CDH12: variants seen among roughly 807,000 people sequenced by gnomAD.
The protein encoded by CDH12 is cadherin-12.
Under a neutral mutation model 74.1 loss-of-function variants are expected in CDH12, and 41 were observed. The observed-to-expected ratio is 0.55, with a 90% confidence interval of 0.43 to 0.72. The LOEUF is 0.72. Among genes scored for constraint, CDH12 ranks in the 30% least tolerant of loss-of-function variants. CDH12 has a pLI of 0.00. For synonymous variants in CDH12, 399 were observed against 355.0 expected, an observed-to-expected ratio of 1.12 and a Z score of -1.39; for missense variants, 945 against 977.2, an observed-to-expected ratio of 0.97 and a Z score of 0.44.
At chr5:22,317,099 C>T (rs1004600913) in intron 3 of CDH12, among the ~76,000 whole-genome samples, 5 of 152,096 alleles carry the variant, frequency 3.3e-5, no homozygotes, top group African/African-American at 7.2e-5. Flanking sequence ...GGGCAGATCA[C>T]CCGAGCTCAG....
At chr5:21,878,875 G>A (rs1361546347) in intron 6 of CDH12, among the ~76,000 whole-genome samples, 1 of 136,490 alleles carries the variant, frequency 7.3e-6, no homozygotes, top group East Asian at 2.1e-4. Context: ...GAAAGAGAGA[G>A]AAAGAAAGAA....
intron 6 of CDH12, chr5:21,883,280 T>C (rs1579903321): frequency 2.8e-6 from 4 of 1,416,784 alleles, no homozygotes; most frequent in Non-Finnish European, 4.0e-6. Context: ...ACTTTATTAA[T>C]ACATCAAAAG....
chr5:22,033,201 A>G (rs2150175373), intron 5 of CDH12, among the ~76,000 whole-genome samples: 2 of 152,312 alleles, frequency 1.3e-5, no homozygotes, highest in Non-Finnish European at 2.9e-5. Context: ...TAGAAAATGG[A>G]GCTGTAATTT....
At chr5:22,388,905 A>C (rs1742113848) in intron 3 of CDH12, among the ~76,000 whole-genome samples, 1 of 152,196 alleles carries the variant, frequency 6.6e-6, no homozygotes. Context: ...CAATGCTTCC[A>C]AAAACAGGAA....
chr5:22,404,653 T>C (rs1742863145), intron 3 of CDH12, among the ~76,000 whole-genome samples: 1 of 152,184 alleles, frequency 6.6e-6, no homozygotes, highest in Non-Finnish European at 1.5e-5. Flanking sequence ...ACATGATATA[T>C]TGTAAGCTAC....
intron 6 of CDH12, among the ~76,000 whole-genome samples, chr5:21,953,551 T>G (rs1285476153): frequency 1.3e-5 from 2 of 152,164 alleles, no homozygotes; most frequent in African/African-American, 4.8e-5. Flanking sequence ...TCTTTACAAA[T>G]CATGGTCAGG....
At chr5:22,634,721 GA>G (rs1738747584) in intron 1 of CDH12, among the ~76,000 whole-genome samples, 1 of 151,944 alleles carries the variant, frequency 6.6e-6, no homozygotes, top group African/African-American at 2.4e-5. Context: ...TGAATAATCT[GA>G]AAATGTAATT....
intron 2 of CDH12, among the ~76,000 whole-genome samples, chr5:22,477,355 G>A (rs745458736): frequency 1.3e-5 from 2 of 152,056 alleles, no homozygotes; most frequent in Non-Finnish European, 2.9e-5. Flanking sequence ...TTCTGTTAGT[G>A]TGTTAGTTTG....
At chr5:22,224,917 C>T (rs1476827606) in intron 3 of CDH12, among the ~76,000 whole-genome samples, 5 of 151,804 alleles carry the variant, frequency 3.3e-5, no homozygotes, top group Non-Finnish European at 5.9e-5. Flanking sequence ...AAGTGTATCT[C>T]TAAACTTTAT....
rs111568718 is a variant in CDH12, at chr5:22,272,913, A to G, written c.-332-60270T>C. 7.3e-3 allele frequency among the ~76,000 whole-genome samples: 1,116 copies of G among 152,328 alleles called. 16 individuals carry two copies. In the South Asian group the frequency reaches 0.076, roughly 10 times the overall value. ...GGGAGGCCTCATGAAACTTACAATC[A>G]TGGCAGAAGGGGAAGCAAATGCTTC... On this transcript the variant is annotated intron_variant, in intron 3 of 14. Coordinates refer to ENST00000382254, the MANE Select transcript of CDH12 (RefSeq NM_004061.5).
rs1744168665 is a variant in CDH12 at position 22,431,455 on chromosome 5, G to A, written c.-427-26104C>T. 1.3e-5 allele frequency among the ~76,000 whole-genome samples: 2 copies of A among 152,234 alleles called. 1 individual carries two copies. Among genetic ancestry groups the A allele is most frequent in the South Asian group, 4.1e-4 (2 of 4,834 alleles). On this transcript the variant is annotated intron_variant, in intron 2 of 14. Transcript: ENST00000382254. ...AAGTAACAGCACATACAATTATGTA[G>A]AGTACAGAATACTGGATAATAAACA... is the stretch of plus-strand genomic sequence containing the variant.
intron 3 of CDH12, among the ~76,000 whole-genome samples, chr5:22,220,337 T>A (rs1326752066): frequency 6.6e-6 from 1 of 151,740 alleles, no homozygotes; most frequent in East Asian, 1.9e-4. Context: ...CACTAATGCA[T>A]TTTATTGATT....
At position 22,014,399 on chromosome 5, in the gene CDH12, C is replaced by T. The variant is rs560252566; in HGVS notation, c.232-39014G>A. 2.6e-5 allele frequency among the ~76,000 whole-genome samples: 4 copies of T among 152,084 alleles called. No individual in the cohort carries two copies. The South Asian group carries it at 8.3e-4, about 32-fold the overall frequency. ...TATATGGATCCTCAGAAATATATAT[C>T]TTAAACATATGATATATAAGTATAT... On this transcript the variant is annotated intron_variant, in intron 5 of 14. Coordinates refer to ENST00000382254, the MANE Select transcript of CDH12 (RefSeq NM_004061.5).
intron 1 of CDH12, among the ~76,000 whole-genome samples, chr5:22,535,274 C>T (rs1298372014): frequency 1.3e-5 from 2 of 151,266 alleles, no homozygotes; most frequent in South Asian, 2.1e-4. Flanking sequence ...CCTACTTCAG[C>T]CTCCCGAGTA....
intron 1 of CDH12, among the ~76,000 whole-genome samples, chr5:22,678,044 T>TGGAG (rs35237837): frequency 7.4e-6 from 1 of 135,134 alleles, no homozygotes; most frequent in Non-Finnish European, 1.6e-5. Context: ...ACCATCCTCA[T>TGGAG]GGGGGGGGGG....
At chr5:21,931,104 A>C (rs574754097) in intron 6 of CDH12, among the ~76,000 whole-genome samples, 20 of 152,316 alleles carry the variant, frequency 1.3e-4, no homozygotes, top group Middle Eastern at 3.4e-3. Context: ...GATCATTCAC[A>C]AGTCCAAGTG....
chr5:22,304,320 A>T lies in CDH12; in HGVS notation c.-332-91677T>A, dbSNP rs376577855. Among the ~76,000 whole-genome samples, 13 of 152,298 alleles carry T rather than the reference A, an allele frequency of 8.5e-5. No individual in the cohort carries two copies. In the South Asian group the frequency reaches 2.1e-3, roughly 24 times the overall value. On this transcript the variant is annotated intron_variant, in intron 3 of 14. Coordinates refer to ENST00000382254, the MANE Select transcript of CDH12 (RefSeq NM_004061.5). ...TTCACTAGATATGAGACAACATAGA[A>T]TTAAGCTCTTTCTATGAAAGAAAGG...
intron 6 of CDH12, among the ~76,000 whole-genome samples, chr5:21,946,430 A>C (rs976271404): frequency 2.0e-5 from 3 of 152,228 alleles, no homozygotes; most frequent in African/African-American, 7.2e-5. Flanking sequence ...ACCTGGTTGG[A>C]TGCTCAAGGA....
At position 21,751,935 on chromosome 5, in the gene CDH12, A is replaced by C; in HGVS notation, c.2187T>G (p.Thr729=). The C allele has an allele frequency of 6.2e-7, 1 of 1,613,998 alleles. No individual in the cohort carries two copies. The highest frequency in any genetic ancestry group is 8.5e-7 in the Non-Finnish European group (1 of 1,179,946). ...QRLQENDVDP[T]APPYDSLATY... ...TGGCCAGTGAATCGTATGGTGGGGC[A>C]GTTGGATCCACATCATTTTCCTGTA... Residue 729 remains threonine, a synonymous_variant, in exon 15 of 15, where the codon ACT becomes ACG. Transcript: ENST00000382254.
Sources: gnomAD v4.1 joint callset for allele counts (sites outside exome capture counted in the v4.1 genomes callset) on GRCh38, gnomAD v4.1.1 for gene constraint, MANE v1.5 for transcripts, NCBI Gene and HGNC (gene_info 2026-07-23, HGNC 2026-07-21) for gene names.